RNGTT: variants seen among roughly 807,000 people sequenced by gnomAD.
RNGTT encodes RNA guanylyltransferase and 5'-phosphatase, also known as mRNA-capping enzyme.
In RNGTT, 33 loss-of-function variants were observed where a neutral mutation model predicts 79.3. The observed-to-expected ratio is 0.42, with a 90% confidence interval of 0.32 to 0.56. The LOEUF (loss-of-function observed/expected upper bound fraction) is 0.56, where lower values mean the gene tolerates loss of function less well. Among genes scored for constraint, RNGTT ranks in the 20% least tolerant of loss-of-function variants. The pLI, the probability that RNGTT is intolerant of heterozygous loss-of-function variation, is 0.17. For synonymous variants in RNGTT, 222 were observed against 235.9 expected, an observed-to-expected ratio of 0.94 and a Z score of 0.54; for missense variants, 497 against 739.1, an observed-to-expected ratio of 0.67 and a Z score of 3.80.
At chr6:88,827,105 G>C (rs1000499455) in intron 11 of RNGTT, among the ~76,000 whole-genome samples, 1 of 151,938 alleles carries the variant, frequency 6.6e-6, no homozygotes, top group Non-Finnish European at 1.5e-5. Context: ...CTGGCAAGAT[G>C]GCCAAATAGG....
chr6:88,931,150 C>A, intron 2 of RNGTT, among the ~76,000 whole-genome samples: 1 of 134,192 alleles, frequency 7.5e-6, no homozygotes, highest in African/African-American at 2.9e-5. Context: ...GAGGGATGCT[C>A]AACCTGTACA....
chr6:88,820,983 G>A (rs1319529837), intron 11 of RNGTT, among the ~76,000 whole-genome samples: 2 of 151,984 alleles, frequency 1.3e-5, no homozygotes, highest in East Asian at 1.9e-4. Flanking sequence ...AGAGGCAAAC[G>A]ATCTAAAATA....
chr6:88,620,098 T>C (rs140620710), intron 14 of RNGTT, among the ~76,000 whole-genome samples: 1 of 152,214 alleles, frequency 6.6e-6, no homozygotes, highest in Non-Finnish European at 1.5e-5. Context: ...CTGAAATCTA[T>C]TGGTGTTTGT....
chr6:88,713,735 AT>A (rs963662584), intron 13 of RNGTT, among the ~76,000 whole-genome samples: 1 of 152,186 alleles, frequency 6.6e-6, no homozygotes, highest in Non-Finnish European at 1.5e-5. Context: ...ACAAGAAAAT[AT>A]TTTTTTAAAA....
intron 5 of RNGTT, among the ~76,000 whole-genome samples, chr6:88,905,329 A>G (rs965370355): frequency 2.0e-5 from 3 of 152,216 alleles, no homozygotes; most frequent in African/African-American, 7.2e-5. Context: ...GGAACTTTCA[A>G]CAGATCCAGG....
Position 88,700,971 on chromosome 6 carries a change from T to C in RNGTT, c.1440-22552A>G, listed in dbSNP as rs1775924395. Among the ~76,000 whole-genome samples, 3 of 152,244 alleles carry C rather than the reference T, an allele frequency of 2.0e-5. No individual in the cohort carries two copies. The South Asian group carries it at 6.2e-4, about 32-fold the overall frequency. ...GGAAGCAAAAATTAATTGCCTTGCA[T>C]GAAATATTGAAGTTCATGGTTAATG... On this transcript the variant is annotated intron_variant, in intron 13 of 15. Transcript: ENST00000369485.
chr6:88,721,111 A>G (rs1427391536), intron 13 of RNGTT, among the ~76,000 whole-genome samples: 1 of 152,010 alleles, frequency 6.6e-6, no homozygotes, highest in Non-Finnish European at 1.5e-5. Context: ...TGTTACCCAG[A>G]GTTTTATCTA....
intron 14 of RNGTT, among the ~76,000 whole-genome samples, chr6:88,615,216 T>C (rs1279586122): frequency 6.6e-6 from 1 of 152,232 alleles, no homozygotes; most frequent in Non-Finnish European, 1.5e-5. Flanking sequence ...TCATCTTTCA[T>C]GGCTAACAAC....
At position 88,860,427 on chromosome 6, in the gene RNGTT, C is replaced by T. The variant is rs574826039; in HGVS notation, c.897-6663G>A. Among the ~76,000 whole-genome samples the T allele has an allele frequency of 1.2e-3, 183 of 152,298 alleles. 1 individual carries two copies. Among genetic ancestry groups the T allele is most frequent in the Non-Finnish European group, 1.9e-3 (130 of 68,024 alleles). ...AAATAGGCTCAGGATCTAGACCAGA[C>T]TATCCATGTTCCTTTCCCAAAACTT... On this transcript the variant is annotated intron_variant, in intron 8 of 15. Transcript: ENST00000369485.
intron 13 of RNGTT, among the ~76,000 whole-genome samples, chr6:88,722,868 G>A (rs1776751614): frequency 6.6e-6 from 1 of 152,174 alleles, no homozygotes; most frequent in African/African-American, 2.4e-5. Flanking sequence ...ATAGTGCAAT[G>A]CATTATTCAC....
intron 13 of RNGTT, among the ~76,000 whole-genome samples, chr6:88,724,782 C>T (rs537652000): frequency 6.6e-6 from 1 of 152,240 alleles, no homozygotes; most frequent in Middle Eastern, 3.4e-3. Flanking sequence ...CAACCTTTTT[C>T]GATTACCTGC....
At chr6:88,948,612 G>A (rs1176055459) in intron 1 of RNGTT, among the ~76,000 whole-genome samples, 1 of 146,050 alleles carries the variant, frequency 6.8e-6, no homozygotes, top group Non-Finnish European at 1.5e-5. Context: ...TGGGAGGTGT[G>A]CCCAACAGCT....
intron 11 of RNGTT, among the ~76,000 whole-genome samples, chr6:88,837,307 G>C (rs947767471): frequency 3.9e-5 from 6 of 152,140 alleles, no homozygotes; most frequent in African/African-American, 1.4e-4. Context: ...TGAGGCAGGA[G>C]GATCACTTGA....
intron 1 of RNGTT, among the ~76,000 whole-genome samples, chr6:88,942,257 G>C (rs978760307): frequency 6.6e-6 from 1 of 152,176 alleles, no homozygotes; most frequent in Non-Finnish European, 1.5e-5. Flanking sequence ...ACAACTATCA[G>C]TGGTTATTTC....
chr6:88,614,153 A>T, intron 15 of RNGTT, 119 bp downstream of exon 15: 1 of 924,394 alleles, frequency 1.1e-6, no homozygotes, highest in Middle Eastern at 2.3e-4. Context: ...CCATCAAACA[A>T]GGATGAAGTC....
At chr6:88,721,691 C>T (rs1321873841) in intron 13 of RNGTT, among the ~76,000 whole-genome samples, 1 of 152,098 alleles carries the variant, frequency 6.6e-6, no homozygotes, top group African/African-American at 2.4e-5. Context: ...ACCTTCCTTA[C>T]AGTCTAAGGT....
At chr6:88,778,510 C>G (rs1045596875) in intron 12 of RNGTT, among the ~76,000 whole-genome samples, 1 of 152,136 alleles carries the variant, frequency 6.6e-6, no homozygotes, top group Non-Finnish European at 1.5e-5. Context: ...GATATGGAGT[C>G]TTGCTATCTT....
intron 5 of RNGTT, 32 bp from the exon 6 acceptor site, chr6:88,904,987 G>A (rs762908561): frequency 2.1e-5 from 33 of 1,605,544 alleles, no homozygotes; most frequent in East Asian, 1.8e-4. Flanking sequence ...CAATTTCCTC[G>A]CTATCCTCTA....
intron 6 of RNGTT, among the ~76,000 whole-genome samples, chr6:88,904,423 A>T: frequency 6.6e-6 from 1 of 152,102 alleles, no homozygotes; most frequent in Non-Finnish European, 1.5e-5. Context: ...AAATGTAAAA[A>T]TTAAAAATTA....
Sources: gnomAD v4.1 joint callset for allele counts (sites outside exome capture counted in the v4.1 genomes callset) on GRCh38, gnomAD v4.1.1 for gene constraint, MANE v1.5 for transcripts, NCBI Gene and HGNC (gene_info 2026-07-23, HGNC 2026-07-21) for gene names.